Variants in ROBO2 observed in about 807,000 individuals in gnomAD.
The protein encoded by ROBO2 is roundabout guidance receptor 2.
A neutral mutation model predicts 160.8 loss-of-function variants in ROBO2; 53 were observed. The ratio of observed to expected loss-of-function variants is 0.33; its 90% CI spans 0.26 to 0.41. The LOEUF (loss-of-function observed/expected upper bound fraction) is 0.41. Among genes scored for constraint, ROBO2 ranks in the 10% least tolerant of loss-of-function variants. ROBO2 has a pLI of 1.00. For missense variants in ROBO2, 1,577 were observed against 1,722.4 expected, an observed-to-expected ratio of 0.92 and a Z score of 1.49; for synonymous variants, 664 against 611.7, an observed-to-expected ratio of 1.09 and a Z score of -1.26.
chr3:76,738,199 C>CT (rs1387070093), intron 2 of ROBO2, among the ~76,000 whole-genome samples: 4 of 152,102 alleles, frequency 2.6e-5, no homozygotes, highest in Non-Finnish European at 5.9e-5. Flanking sequence ...CGTGCCTACT[C>CT]TGCGAAAAGC....
intron 2 of ROBO2, among the ~76,000 whole-genome samples, chr3:76,910,092 TATA>T (rs1240164118): frequency 1.1e-4 from 16 of 152,192 alleles, no homozygotes; most frequent in Non-Finnish European, 2.2e-4. Context: ...ACTGGTAAAA[TATA>T]GGTAAGCCTA....
intron 2 of ROBO2, among the ~76,000 whole-genome samples, chr3:76,225,499 C>T (rs1422614947): frequency 6.6e-6 from 1 of 152,070 alleles, no homozygotes; most frequent in African/African-American, 2.4e-5. Context: ...CAAATTGCTT[C>T]AGCCCAGGAG....
chr3:76,326,348 T>G (rs1218478218), intron 2 of ROBO2, among the ~76,000 whole-genome samples: 3 of 152,210 alleles, frequency 2.0e-5, no homozygotes, highest in Non-Finnish European at 4.4e-5. Context: ...ACTTTAACCC[T>G]GTCCAGTATT....
Position 76,802,964 on chromosome 3 carries a change from G to A in ROBO2, c.110-295050G>A, listed in dbSNP as rs569358272. Among the ~76,000 whole-genome samples the A allele has an allele frequency of 2.6e-5, 4 of 152,174 alleles. No individual in the cohort carries two copies. The East Asian group carries it at 5.8e-4, about 22-fold the overall frequency. On this transcript the variant is annotated intron_variant, in intron 2 of 26. Coordinates refer to the ROBO2 transcript ENST00000487694. Reference sequence around the variant, plus strand: ...TTTATGGAAGGCTATCTAGATAGTTGTTTTCTTTATTGTCTGTGGAGCGTA... The same window carrying A: ...TTTATGGAAGGCTATCTAGATAGTTATTTTCTTTATTGTCTGTGGAGCGTA...
intron 2 of ROBO2, among the ~76,000 whole-genome samples, chr3:76,852,628 C>G (rs967106378): frequency 1.3e-5 from 2 of 152,076 alleles, no homozygotes; most frequent in African/African-American, 4.8e-5. Context: ...ATTAGAAGCT[C>G]AAACAAGCCC....
chr3:76,868,592 T>C (rs1047318542), intron 2 of ROBO2, among the ~76,000 whole-genome samples: 1 of 152,176 alleles, frequency 6.6e-6, no homozygotes, highest in Non-Finnish European at 1.5e-5. Context: ...CTAAAATAAC[T>C]AAGTCGAATA....
At chr3:75,965,338 A>C (rs979949974) in intron 2 of ROBO2, among the ~76,000 whole-genome samples, 7 of 70,872 alleles carry the variant, frequency 9.9e-5, no homozygotes, top group African/African-American at 2.9e-4. Flanking sequence ...TTTTCCCCGC[A>C]CTTTAGTGAC....
At chr3:77,068,295 T>C (rs1260874461) in intron 1 of ROBO2, among the ~76,000 whole-genome samples, 1 of 152,140 alleles carries the variant, frequency 6.6e-6, no homozygotes, top group Non-Finnish European at 1.5e-5. Context: ...CTTTATGTCT[T>C]ATGTGTTTGA....
intron 2 of ROBO2, among the ~76,000 whole-genome samples, chr3:77,248,004 C>T (rs2089927995): frequency 6.6e-6 from 1 of 152,082 alleles, no homozygotes; most frequent in South Asian, 2.1e-4. Flanking sequence ...ACAGCCCCAC[C>T]CCACCCCCGT....
intron 22 of ROBO2, among the ~76,000 whole-genome samples, chr3:77,618,990 A>G (rs2094842601): frequency 6.6e-6 from 1 of 152,176 alleles, no homozygotes; most frequent in Non-Finnish European, 1.5e-5. Flanking sequence ...ACTCAAGCTG[A>G]AGGGTTCTCA....
intron 2 of ROBO2, among the ~76,000 whole-genome samples, chr3:77,157,011 A>T (rs899010581): frequency 1.3e-5 from 2 of 151,946 alleles, no homozygotes. Flanking sequence ...TTAATCAGAA[A>T]CTCTGGGATG....
At chr3:77,306,909 A>G (rs543969110) in intron 2 of ROBO2, among the ~76,000 whole-genome samples, 2 of 152,222 alleles carry the variant, frequency 1.3e-5, no homozygotes, top group Non-Finnish European at 2.9e-5. Flanking sequence ...AAACAAAATC[A>G]TTGTTTACAA....
intron 2 of ROBO2, among the ~76,000 whole-genome samples, chr3:77,342,719 C>T (rs1295606724): frequency 3.3e-5 from 5 of 152,142 alleles, no homozygotes; most frequent in African/African-American, 1.2e-4. Context: ...TTGGCATCCC[C>T]CACCCAACAC....
chr3:76,920,500 T>C (rs1027187789), intron 2 of ROBO2, among the ~76,000 whole-genome samples: 3 of 152,210 alleles, frequency 2.0e-5, no homozygotes, highest in Non-Finnish European at 2.9e-5. Flanking sequence ...AGTTAGTTTT[T>C]GGTTTCTTCT....
intron 2 of ROBO2, among the ~76,000 whole-genome samples, chr3:76,443,846 G>A (rs1487125253): frequency 6.6e-6 from 1 of 152,112 alleles, no homozygotes; most frequent in Non-Finnish European, 1.5e-5. Context: ...ACTTCTGCTG[G>A]TCTTTTCTGG....
At chr3:76,947,773 G>C (rs113068739) in intron 2 of ROBO2, among the ~76,000 whole-genome samples, 5,517 of 151,686 alleles carry the variant, frequency 0.036, 202 homozygotes, top group African/African-American at 0.092. Flanking sequence ...TGGTTTTTTT[G>C]TTCTGTCGCC....
At position 76,612,391 on chromosome 3, in the gene ROBO2, C is replaced by T. The variant is rs537559504; in HGVS notation, c.110-485623C>T. Among the ~76,000 whole-genome samples the T allele has an allele frequency of 6.6e-4, 101 of 152,256 alleles. 1 individual carries two copies. Among genetic ancestry groups the T allele is most frequent in the Middle Eastern group, 6.8e-3 (2 of 292 alleles). ...GCTATTACTATATCGGGGTCTATCT[C>T]TCTCTTTAGCTGTATAATATTATTG... is the stretch of plus-strand genomic sequence containing the variant. On this transcript the variant is annotated intron_variant, in intron 2 of 26. Transcript: ENST00000487694.
intron 2 of ROBO2, among the ~76,000 whole-genome samples, chr3:77,288,489 G>A (rs1280998161): frequency 1.3e-5 from 2 of 152,158 alleles, no homozygotes; most frequent in Non-Finnish European, 2.9e-5. Flanking sequence ...CACTGACACT[G>A]CAAAGCAATT....
chr3:77,178,699 T>A (rs1180255533), intron 2 of ROBO2, among the ~76,000 whole-genome samples: 2 of 152,082 alleles, frequency 1.3e-5, no homozygotes, highest in Non-Finnish European at 1.5e-5. Flanking sequence ...GTACATATTT[T>A]AAAAAATAAT....
Sources: allele counts gnomAD v4.1 joint callset (sites outside exome capture counted in the v4.1 genomes callset), GRCh38; gene constraint gnomAD v4.1.1; transcripts MANE v1.5; gene names NCBI Gene and HGNC (gene_info 2026-07-23, HGNC 2026-07-21).